The following PIP4P2 variants were observed in gnomAD, a reference collection of about 807,000 sequenced individuals.
PIP4P2 encodes type 2 phosphatidylinositol 4,5-bisphosphate 4-phosphatase.
PIP4P2 carries 19 observed loss-of-function variants against 33.3 expected under a neutral mutation model. That is an observed-to-expected ratio of 0.57 (90% confidence interval 0.40 to 0.84). The LOEUF is 0.84. Ranked by LOEUF, PIP4P2 falls within the 40% of genes least tolerant of loss-of-function variation. The pLI is 0.00. For missense variants in PIP4P2, 270 were observed against 324.7 expected, an observed-to-expected ratio of 0.83 and a Z score of 1.29; for synonymous variants, 110 against 111.9, an observed-to-expected ratio of 0.98 and a Z score of 0.11.
At chr8:91,024,559 G>A (rs1410323326) in intron 1 of PIP4P2, among the ~76,000 whole-genome samples, 1 of 151,980 alleles carries the variant, frequency 6.6e-6, no homozygotes, top group Non-Finnish European at 1.5e-5. Flanking sequence ...CGGTAGCTGG[G>A]AATACAGGCA....
intron 3 of PIP4P2, 91 bp from the exon 4 acceptor site, chr8:91,018,604 A>G: frequency 6.5e-7 from 1 of 1,543,840 alleles, no homozygotes; most frequent in Non-Finnish European, 8.8e-7. Flanking sequence ...GAAATGTGCT[A>G]TACTTGTTTC....
intron 4 of PIP4P2, among the ~76,000 whole-genome samples, chr8:91,009,368 A>G (rs1436768994): frequency 2.0e-5 from 3 of 152,074 alleles, no homozygotes; most frequent in African/African-American, 7.2e-5. Flanking sequence ...CCTTCCTCAC[A>G]TGAATGTTAT....
chr8:91,040,415 C>T (rs200036929), intron 1 of PIP4P2, among the ~76,000 whole-genome samples: 16 of 48,228 alleles, frequency 3.3e-4, no homozygotes, highest in East Asian at 1.2e-3. Context: ...ACCACCACCA[C>T]CATCACCACC....
intron 6 of PIP4P2, among the ~76,000 whole-genome samples, 185 bp downstream of exon 6, chr8:90,996,469 G>A (rs575119446): frequency 1.2e-4 from 18 of 152,058 alleles, no homozygotes; most frequent in African/African-American, 4.1e-4. Context: ...TTGGATGGGC[G>A]AGTTCAATCA....
intron 5 of PIP4P2, among the ~76,000 whole-genome samples, chr8:91,002,964 C>T (rs1811718735): frequency 6.6e-6 from 1 of 152,060 alleles, no homozygotes; most frequent in Non-Finnish European, 1.5e-5. Context: ...AAAAGTTAGG[C>T]AAAGACTAAA....
At chr8:90,999,143 C>A (rs1382597851) in intron 5 of PIP4P2, among the ~76,000 whole-genome samples, 1 of 151,842 alleles carries the variant, frequency 6.6e-6, no homozygotes, top group Non-Finnish European at 1.5e-5. Context: ...ATACATGCAG[C>A]CAACAATTCT....
chr8:91,004,680 G>A (rs1000015540), intron 5 of PIP4P2, among the ~76,000 whole-genome samples: 8 of 152,128 alleles, frequency 5.3e-5, no homozygotes, highest in Non-Finnish European at 8.8e-5. Flanking sequence ...ATCAAATGAA[G>A]GTATAAGCCT....
Position 90,995,595 on chromosome 8 carries a change from G to C in PIP4P2, c.*82C>G. On this transcript the variant is annotated 3_prime_UTR_variant, in exon 7 of 7. Transcript: ENST00000285419. ...CATAAACCAGAATGGAATCCATTAG[G>C]ATAAATAATTTAAAGATGTCCAGAG... The C allele has an allele frequency of 1.3e-6, 2 of 1,486,862 alleles. No individual in the cohort carries two copies. The highest frequency in any genetic ancestry group is 2.4e-5 in the Admixed American group (1 of 41,144). The allele number at this position is 1,486,862 out of a possible 1,614,324, so 92.1% of individuals were successfully genotyped here.
chr8:91,017,886 T>C (rs113002503), intron 4 of PIP4P2, among the ~76,000 whole-genome samples: 29 of 152,366 alleles, frequency 1.9e-4, no homozygotes, highest in African/African-American at 2.4e-4. Flanking sequence ...AAATTACTTA[T>C]ACTTTCTTAT....
chr8:91,021,143 C>T, intron 2 of PIP4P2, 113 bp downstream of exon 2: 1 of 1,222,514 alleles, frequency 8.2e-7, no homozygotes, highest in East Asian at 2.5e-5. Flanking sequence ...AAAAGATTAC[C>T]ATATTTGTAT....
At chr8:91,015,139 C>A (rs541950841) in intron 4 of PIP4P2, among the ~76,000 whole-genome samples, 1 of 152,046 alleles carries the variant, frequency 6.6e-6, no homozygotes, top group Non-Finnish European at 1.5e-5. Context: ...GTTTGAAAAG[C>A]GTGTAAGAGC....
intron 1 of PIP4P2, among the ~76,000 whole-genome samples, chr8:91,029,725 C>A (rs1412749696): frequency 6.6e-6 from 1 of 152,110 alleles, no homozygotes; most frequent in African/African-American, 2.4e-5. Context: ...AGTGCAAATG[C>A]TTTGGGAGAC....
intron 5 of PIP4P2, among the ~76,000 whole-genome samples, chr8:91,003,980 T>TAGATAGAC (rs1554581906): frequency 1.3e-5 from 2 of 151,552 alleles, no homozygotes; most frequent in Admixed American, 1.3e-4. Flanking sequence ...GATAGATAGA[T>TAGATAGAC]AGATAGATAG....
At chr8:91,025,313 T>A (rs1812068478) in intron 1 of PIP4P2, among the ~76,000 whole-genome samples, 1 of 152,176 alleles carries the variant, frequency 6.6e-6, no homozygotes, top group Admixed American at 6.5e-5. Flanking sequence ...CATAATGATC[T>A]TTCTAAAACA....
chr8:91,038,598 G>A (rs1029554038), intron 1 of PIP4P2, among the ~76,000 whole-genome samples: 4 of 152,102 alleles, frequency 2.6e-5, no homozygotes, highest in Non-Finnish European at 5.9e-5. Context: ...GCAGTGTATG[G>A]CACATTGTGC....
chr8:91,001,691 A>G (rs1811702090), intron 5 of PIP4P2, among the ~76,000 whole-genome samples: 1 of 152,236 alleles, frequency 6.6e-6, no homozygotes, highest in Middle Eastern at 3.4e-3. Flanking sequence ...TTTAATAATT[A>G]TAAATCTGAA....
At chr8:91,001,956 A>G (rs1489264124) in intron 5 of PIP4P2, among the ~76,000 whole-genome samples, 1 of 152,142 alleles carries the variant, frequency 6.6e-6, no homozygotes, top group African/African-American at 2.4e-5. Flanking sequence ...AGATCGCATA[A>G]GTGATATAAA....
At chr8:90,997,943 T>G (rs891701609) in intron 5 of PIP4P2, among the ~76,000 whole-genome samples, 4 of 152,118 alleles carry the variant, frequency 2.6e-5, no homozygotes, top group African/African-American at 9.7e-5. Flanking sequence ...ATCGTAAATT[T>G]TCCTGGGTAC....
chr8:91,000,592 G>T (rs538536293), intron 5 of PIP4P2, among the ~76,000 whole-genome samples: 1 of 151,684 alleles, frequency 6.6e-6, no homozygotes, highest in African/African-American at 2.4e-5. Context: ...TTGTTTTCTG[G>T]CTTCTATTTT....
Sources: allele counts gnomAD v4.1 joint callset (sites outside exome capture counted in the v4.1 genomes callset), GRCh38; gene constraint gnomAD v4.1.1; transcripts MANE v1.5; gene names NCBI Gene and HGNC (gene_info 2026-07-23, HGNC 2026-07-21).